CNTNAP5: variants seen among roughly 807,000 people sequenced by gnomAD.
CNTNAP5 encodes contactin-associated protein-like 5.
Under a neutral mutation model 150.2 loss-of-function variants are expected in CNTNAP5, and 72 were observed. The ratio of observed to expected loss-of-function variants is 0.48; its 90% CI spans 0.40 to 0.58. The LOEUF (loss-of-function observed/expected upper bound fraction) is 0.58, where lower values mean the gene tolerates loss of function less well. Among genes scored for constraint, CNTNAP5 ranks in the 20% least tolerant of loss-of-function variants. CNTNAP5 has a pLI of 0.00. For synonymous variants in CNTNAP5, 672 were observed against 619.8 expected (o/e 1.08, Z -1.25); for missense variants, 1,636 against 1,626.2 (o/e 1.01, Z -0.10).
intron 3 of CNTNAP5, among the ~76,000 whole-genome samples, chr2:124,282,720 G>T (rs959358285): frequency 1.3e-5 from 2 of 151,692 alleles, no homozygotes; most frequent in African/African-American, 4.8e-5. Context: ...TTTAAAATGA[G>T]CCTTCAAAAA....
intron 3 of CNTNAP5, among the ~76,000 whole-genome samples, chr2:124,283,466 G>A (rs1221866660): frequency 6.6e-6 from 1 of 152,178 alleles, no homozygotes; most frequent in Admixed American, 6.6e-5. Context: ...GTGTCTTTGG[G>A]ACTCAGGTGT....
At chr2:124,117,756 T>C (rs564110607) in intron 1 of CNTNAP5, among the ~76,000 whole-genome samples, 8 of 152,250 alleles carry the variant, frequency 5.3e-5, no homozygotes, top group African/African-American at 1.9e-4. Flanking sequence ...TAAATACCAA[T>C]TTAAATTACC....
chr2:124,351,720 C>A lies in CNTNAP5; in HGVS notation c.382-65723C>A, dbSNP rs558566248. On this transcript the variant is annotated intron_variant, in intron 3 of 23. Transcript: ENST00000682447. ...GACCTGGCCAAGTTTAGTTAAAAGA[C>A]CTGGGGCATTGTATAACAATTGGTA... is the stretch of plus-strand genomic sequence containing the variant. Among the ~76,000 whole-genome samples, 153 of 152,216 alleles carry A rather than the reference C, an allele frequency of 1.0e-3. 2 individuals carry two copies. The highest frequency in any genetic ancestry group is 1.7e-3 in the Non-Finnish European group (118 of 68,008).
rs3980963 is a variant in CNTNAP5, at chr2:124,541,179, A to ATTTT, written c.1649+13737_1649+13740dup. On this transcript the variant is annotated intron_variant, in intron 10 of 23. Transcript: ENST00000682447. ...AGAGGATAAGAAGTACAAAATTCCG[A>ATTTT]TTTTTTTTTTTTTTTTTGGTGAGAA... Among the ~76,000 whole-genome samples, 217 of 83,072 alleles carry ATTTT rather than the reference A, an allele frequency of 2.6e-3. 29 individuals are homozygous for ATTTT. The East Asian group carries it at 0.069, about 26-fold the overall frequency. The allele number at this position is 83,072 out of a possible 152,430, so 54.5% of individuals were successfully genotyped here.
chr2:124,329,624 C>A (rs1386037550), intron 3 of CNTNAP5, among the ~76,000 whole-genome samples: 1 of 151,884 alleles, frequency 6.6e-6, no homozygotes, highest in East Asian at 1.9e-4. Context: ...AAGTTGGTGG[C>A]CGTGAAGAAA....
In CNTNAP5 at chr2:124,919,513, G is replaced by A. The variant is rs1046520509; in HGVS notation, c.*5225G>A. ...CTGCGAACTTGACGAGGAGGAAGAG[G>A]GGCCAGTGGCAGTAATTGGTGGCCA... On this transcript the variant is annotated 3_prime_UTR_variant, in exon 24 of 24. Coordinates refer to ENST00000682447, the MANE Select transcript of CNTNAP5 (RefSeq NM_001367498.1). 1.3e-5 allele frequency among the ~76,000 whole-genome samples: 2 copies of A among 152,010 alleles called. No individual in the cohort carries two copies. The highest frequency in any genetic ancestry group is 4.8e-5 in the African/African-American group (2 of 41,416).
At chr2:124,781,713 G>A (rs1333317517) in intron 17 of CNTNAP5, among the ~76,000 whole-genome samples, 2 of 152,134 alleles carry the variant, frequency 1.3e-5, no homozygotes, top group Admixed American at 6.6e-5. Context: ...CTTTGGACTC[G>A]GGTTCGTCTT....
chr2:124,503,388 C>A (rs562577146), intron 7 of CNTNAP5, among the ~76,000 whole-genome samples: 2 of 152,188 alleles, frequency 1.3e-5, no homozygotes, highest in African/African-American at 4.8e-5. Context: ...TGCCACCTGG[C>A]CACTTCTGTG....
chr2:124,501,808 C>G (rs542785111), intron 7 of CNTNAP5, among the ~76,000 whole-genome samples: 2 of 152,166 alleles, frequency 1.3e-5, no homozygotes, highest in African/African-American at 2.4e-5. Context: ...CCAACACTCA[C>G]GTGAGCCCAG....
At chr2:124,566,023 A>C (rs1696017417) in intron 11 of CNTNAP5, among the ~76,000 whole-genome samples, 1 of 146,690 alleles carries the variant, frequency 6.8e-6, no homozygotes, top group African/African-American at 2.5e-5. Flanking sequence ...GGCTAAAATT[A>C]TGTGTTTTTA....
At chr2:124,471,534 T>C (rs1693515052) in intron 6 of CNTNAP5, among the ~76,000 whole-genome samples, 1 of 152,182 alleles carries the variant, frequency 6.6e-6, no homozygotes, top group Admixed American at 6.6e-5. Context: ...ACTTCCTTTC[T>C]TCCTACCTGA....
intron 19 of CNTNAP5, among the ~76,000 whole-genome samples, chr2:124,799,565 G>A (rs1681923123): frequency 6.6e-6 from 1 of 152,242 alleles, no homozygotes; most frequent in African/African-American, 2.4e-5. Context: ...CACGGACAGT[G>A]GTGGAACCTA....
intron 17 of CNTNAP5, among the ~76,000 whole-genome samples, chr2:124,786,398 A>AGAAGGAAGGAAGGAAGGAAG (rs773411166): frequency 2.9e-4 from 13 of 45,224 alleles, no homozygotes; most frequent in East Asian, 6.8e-4. Context: ...AAAGAAAGAA[A>AGAAGGAAGGAAGGAAGGAAG]GAAGGAAGGA....
chr2:124,109,620 G>A (rs949227305), intron 1 of CNTNAP5, among the ~76,000 whole-genome samples: 1 of 152,180 alleles, frequency 6.6e-6, no homozygotes, highest in Non-Finnish European at 1.5e-5. Flanking sequence ...CCTGCCTGGG[G>A]ACAGGGCATC....
At chr2:124,903,792 G>T (rs1168499830) in intron 22 of CNTNAP5, among the ~76,000 whole-genome samples, 3 of 152,106 alleles carry the variant, frequency 2.0e-5, no homozygotes, top group Admixed American at 1.3e-4. Flanking sequence ...GGTGGCTTAT[G>T]CCTGAAATTG....
chr2:124,305,006 C>A (rs940331909), intron 3 of CNTNAP5, among the ~76,000 whole-genome samples: 5 of 149,662 alleles, frequency 3.3e-5, no homozygotes, highest in African/African-American at 9.9e-5. Flanking sequence ...TGGCACACAC[C>A]TGTAATCTCA....
At chr2:124,571,600 T>C (rs1696162624) in intron 11 of CNTNAP5, among the ~76,000 whole-genome samples, 1 of 134,052 alleles carries the variant, frequency 7.5e-6, no homozygotes, top group African/African-American at 2.7e-5. Flanking sequence ...TGGTGCGATC[T>C]TGGCTCACTG....
chr2:124,232,358 C>T (rs1686644477), intron 2 of CNTNAP5, among the ~76,000 whole-genome samples: 1 of 152,110 alleles, frequency 6.6e-6, no homozygotes, highest in Non-Finnish European at 1.5e-5. Flanking sequence ...CTTCGTCTAA[C>T]TGGGAATAGT....
At chr2:124,251,813 G>A (rs1218336905) in intron 3 of CNTNAP5, among the ~76,000 whole-genome samples, 3 of 152,208 alleles carry the variant, frequency 2.0e-5, no homozygotes, top group African/African-American at 4.8e-5. Context: ...CCACATTTTT[G>A]TCCTACCTGC....
Sources: allele counts gnomAD v4.1 joint callset (sites outside exome capture counted in the v4.1 genomes callset), GRCh38; gene constraint gnomAD v4.1.1; transcripts MANE v1.5; gene names NCBI Gene and HGNC (gene_info 2026-07-23, HGNC 2026-07-21).